HPSE2: variants seen among roughly 807,000 people sequenced by gnomAD.
HPSE2 encodes the protein heparanase 2 (inactive).
A neutral mutation model predicts 60.5 loss-of-function variants in HPSE2; 38 were observed. That is an observed-to-expected ratio of 0.63 (90% confidence interval 0.48 to 0.82). HPSE2 has a LOEUF of 0.82. HPSE2 is among the 40% of genes least tolerant of loss of function. The probability of loss-of-function intolerance (pLI) is 0.00; values close to 1 mark genes in which losing one functional copy is unlikely to be tolerated. For missense variants in HPSE2, 713 were observed against 740.4 expected, an observed-to-expected ratio of 0.96 and a Z score of 0.43; for synonymous variants, 295 against 293.2, an observed-to-expected ratio of 1.01 and a Z score of -0.06.
intron 2 of HPSE2, among the ~76,000 whole-genome samples, chr10:99,184,866 A>ACT (rs1847944697): frequency 7.6e-6 from 1 of 131,858 alleles, no homozygotes; most frequent in Non-Finnish European, 1.7e-5. Flanking sequence ...AGAGAGAGAC[A>ACT]GAAACACTGA....
At chr10:98,621,632 C>T (rs910801734) in intron 7 of HPSE2, among the ~76,000 whole-genome samples, 1 of 152,248 alleles carries the variant, frequency 6.6e-6, no homozygotes. Flanking sequence ...AAAACTCAGT[C>T]TCACAGGGAT....
chr10:98,777,808 A>G (rs757812212), intron 3 of HPSE2, among the ~76,000 whole-genome samples: 29 of 152,136 alleles, frequency 1.9e-4, no homozygotes, highest in Non-Finnish European at 4.4e-5. Flanking sequence ...GCCCTAAGCT[A>G]CAGCCACATT....
chr10:98,925,173 T>C (rs1412028114), intron 3 of HPSE2, among the ~76,000 whole-genome samples: 2 of 152,156 alleles, frequency 1.3e-5, no homozygotes, highest in Non-Finnish European at 2.9e-5. Flanking sequence ...ATCCAAGTAC[T>C]GTGAATATGA....
chr10:98,729,638 A>T (rs1330926708), intron 4 of HPSE2, among the ~76,000 whole-genome samples: 1 of 152,046 alleles, frequency 6.6e-6, no homozygotes. Flanking sequence ...AAATTAATTT[A>T]AAAAGGTAGA....
intron 6 of HPSE2, among the ~76,000 whole-genome samples, chr10:98,667,249 GAAC>G (rs780489072): frequency 2.6e-5 from 4 of 152,088 alleles, no homozygotes; most frequent in Non-Finnish European, 4.4e-5. Context: ...AGCCTGAACA[GAAC>G]AATAATAAAC....
At chr10:99,058,044 T>C (rs557415118) in intron 3 of HPSE2, among the ~76,000 whole-genome samples, 11 of 152,212 alleles carry the variant, frequency 7.2e-5, no homozygotes, top group African/African-American at 2.6e-4. Context: ...ATAAAAACTG[T>C]AAAGGAAGAG....
chr10:99,123,292 A>ATGCCTTTT (rs1845031186), intron 3 of HPSE2, among the ~76,000 whole-genome samples: 1 of 152,244 alleles, frequency 6.6e-6, no homozygotes, highest in Non-Finnish European at 1.5e-5. Context: ...AAAGGCATAG[A>ATGCCTTTT]ATATGAAAAG....
At chr10:99,048,092 G>C in intron 3 of HPSE2, 1 of 892,678 alleles carries the variant, frequency 1.1e-6, no homozygotes, top group Non-Finnish European at 1.8e-6. Context: ...GTCAGTAAAT[G>C]AACTAATCTA....
At chr10:98,460,779 C>T (rs558662111) in intron 11 of HPSE2, among the ~76,000 whole-genome samples, 1 of 152,324 alleles carries the variant, frequency 6.6e-6, no homozygotes, top group East Asian at 1.9e-4. Flanking sequence ...GGACTACATA[C>T]ATAGCAAACT....
intron 7 of HPSE2, among the ~76,000 whole-genome samples, chr10:98,624,378 A>G (rs1946152414): frequency 6.6e-6 from 1 of 152,206 alleles, no homozygotes; most frequent in Admixed American, 6.5e-5. Context: ...AGAACCGCAC[A>G]GAAAAAGGAC....
At chr10:99,066,812 A>T (rs549675856) in intron 3 of HPSE2, among the ~76,000 whole-genome samples, 26 of 152,186 alleles carry the variant, frequency 1.7e-4, no homozygotes, top group African/African-American at 5.5e-4. Flanking sequence ...TCACATTTCA[A>T]AACCAATCAT....
intron 3 of HPSE2, among the ~76,000 whole-genome samples, chr10:99,027,048 G>C (rs1326720696): frequency 6.6e-6 from 1 of 151,654 alleles, no homozygotes; most frequent in Admixed American, 6.6e-5. Flanking sequence ...ATCTAATAAT[G>C]CATCTTAAGT....
At chr10:98,639,079 G>T (rs935239925) in intron 7 of HPSE2, among the ~76,000 whole-genome samples, 14 of 152,144 alleles carry the variant, frequency 9.2e-5, no homozygotes, top group African/African-American at 3.1e-4. Flanking sequence ...CTACTTCAAT[G>T]AACAGGATAT....
intron 9 of HPSE2, among the ~76,000 whole-genome samples, chr10:98,546,077 C>G (rs1943663293): frequency 7.7e-6 from 1 of 130,134 alleles, no homozygotes; most frequent in African/African-American, 2.6e-5. Flanking sequence ...AATAAAATAC[C>G]TAGGAATCCA....
intron 3 of HPSE2, among the ~76,000 whole-genome samples, chr10:98,984,040 T>A (rs1454751247): frequency 6.6e-6 from 1 of 152,216 alleles, no homozygotes; most frequent in Non-Finnish European, 1.5e-5. Flanking sequence ...GAGGCCTGCC[T>A]GCCTCTGTAG....
chr10:99,311,689 C>T, the HPSE2 span, among the ~76,000 whole-genome samples: 1 of 152,064 alleles, frequency 6.6e-6, no homozygotes, highest in Non-Finnish European at 1.5e-5. Context: ...TAATAATAAC[C>T]CTACAACGGC....
At chr10:98,467,962 A>G (rs1332045357) in intron 11 of HPSE2, among the ~76,000 whole-genome samples, 2 of 152,204 alleles carry the variant, frequency 1.3e-5, no homozygotes, top group Non-Finnish European at 2.9e-5. Flanking sequence ...GGCGCCCGCC[A>G]CGACTCGGCG....
chr10:99,227,461 C>T (rs2133941811), intron 2 of HPSE2, among the ~76,000 whole-genome samples: 1 of 151,992 alleles, frequency 6.6e-6, no homozygotes, highest in African/African-American at 2.4e-5. Context: ...GTTAATTTAA[C>T]ACATAGCATA....
chr10:99,278,368 G>T, the HPSE2 span, among the ~76,000 whole-genome samples: 130,199 of 152,102 alleles, frequency 0.86, 56,082 homozygotes, highest in African/African-American at 0.92. Context: ...CCTATCACCA[G>T]GGTCTCAAAT....
Sources: allele counts gnomAD v4.1 joint callset (sites outside exome capture counted in the v4.1 genomes callset), GRCh38; gene constraint gnomAD v4.1.1; transcripts MANE v1.5; gene names NCBI Gene and HGNC (gene_info 2026-07-23, HGNC 2026-07-21).